Variants in HORMAD2 observed in about 807,000 individuals in gnomAD.
HORMAD2 encodes HORMA domain containing 2.
A neutral mutation model predicts 38.8 loss-of-function variants in HORMAD2; 45 were observed. The observed-to-expected ratio is 1.16, with a 90% CI of 0.91 to 1.49. HORMAD2 has a LOEUF of 1.49. Among genes scored for constraint, HORMAD2 ranks in the 40% most tolerant of loss-of-function variants. The pLI is 0.00. For missense variants in HORMAD2, 338 were observed against 367.0 expected, an observed-to-expected ratio of 0.92 and a Z score of 0.65; for synonymous variants, 126 against 122.8, an observed-to-expected ratio of 1.03 and a Z score of -0.17.
chr22:30,167,653 A>G (rs1221297068), intron 10 of HORMAD2, among the ~76,000 whole-genome samples: 1 of 152,196 alleles, frequency 6.6e-6, no homozygotes, highest in Non-Finnish European at 1.5e-5. Context: ...ATGAGGAAAA[A>G]TTGGTTACAA....
upstream of HORMAD2, among the ~76,000 whole-genome samples, chr22:30,078,525 G>A (rs964187950): frequency 6.9e-6 from 1 of 145,614 alleles, no homozygotes; most frequent in Admixed American, 7.1e-5. Context: ...AGAATCACTT[G>A]AGCCTGGGAG....
At chr22:30,108,929 C>T (rs1921416719) in intron 5 of HORMAD2, among the ~76,000 whole-genome samples, 3 of 143,722 alleles carry the variant, frequency 2.1e-5, no homozygotes, top group South Asian at 2.2e-4. Context: ...TCTTTCTCTC[C>T]CTCCCTCCTT....
chr22:30,119,802 A>G (rs890999652), intron 8 of HORMAD2, among the ~76,000 whole-genome samples: 4 of 151,930 alleles, frequency 2.6e-5, no homozygotes, highest in Non-Finnish European at 4.4e-5. Context: ...CTAATTTTCA[A>G]TTTTCCCTAC....
chr22:30,089,846 G>A (rs2088403309), intron 1 of HORMAD2, among the ~76,000 whole-genome samples: 1 of 152,034 alleles, frequency 6.6e-6, no homozygotes, highest in African/African-American at 2.4e-5. Context: ...TCTCATCATC[G>A]TGAACAGAAA....
chr22:30,105,790 T>C (rs1157008395), intron 5 of HORMAD2, among the ~76,000 whole-genome samples: 2 of 152,192 alleles, frequency 1.3e-5, no homozygotes, highest in African/African-American at 4.8e-5. Flanking sequence ...GAATGGTGAA[T>C]AGCTACTTTT....
At chr22:30,115,497 G>GA (rs1244329589) in intron 7 of HORMAD2, among the ~76,000 whole-genome samples, 30 of 151,872 alleles carry the variant, frequency 2.0e-4, no homozygotes, top group Admixed American at 1.6e-3. Flanking sequence ...CTTTATTTTA[G>GA]AAAAAAATCG....
chr22:30,179,495 C>T (rs924869684), downstream of HORMAD2, among the ~76,000 whole-genome samples: 8 of 152,198 alleles, frequency 5.3e-5, no homozygotes, highest in East Asian at 1.5e-3. Flanking sequence ...AAGAAAAAAG[C>T]TTTTATTAAT....
At chr22:30,130,523 G>A (rs533407380) in intron 10 of HORMAD2, among the ~76,000 whole-genome samples, 1 of 150,792 alleles carries the variant, frequency 6.6e-6, no homozygotes, top group Admixed American at 6.6e-5. Context: ...TGTCCTAATT[G>A]TGTCCTTATC....
At chr22:30,206,906 G>A in the HORMAD2 span, 1 of 355,342 alleles carries the variant, frequency 2.8e-6, no homozygotes, top group Non-Finnish European at 6.0e-6. Flanking sequence ...CACCTCAAGT[G>A]ACACCCGAGC....
chr22:30,106,335 T>G (rs1319458966), intron 5 of HORMAD2, among the ~76,000 whole-genome samples: 2 of 152,194 alleles, frequency 1.3e-5, no homozygotes, highest in Admixed American at 1.3e-4. Context: ...TTTATATCAA[T>G]TTGATATTTT....
At chr22:30,185,477 A>G in the HORMAD2 span, among the ~76,000 whole-genome samples, 1 of 152,238 alleles carries the variant, frequency 6.6e-6, no homozygotes, top group Non-Finnish European at 1.5e-5. Context: ...GATTATGGTG[A>G]TGATACAATG....
rs765596071 is a variant in HORMAD2, at chr22:30,098,985, A to G, written c.185A>G (p.His62Arg). The part of the protein sequence containing the change: ...LFPESSYGER[H>R]LDDLSLKILR... The stretch of plus-strand genomic sequence containing the variant: ...CCAGAGAGCTCTTATGGAGAACGCC[A>G]TTTGGATGGTAAAGTTAAACTAACT... Residue 62 changes from histidine to arginine, a missense_variant, in exon 3 of 11, where the codon CAT becomes CGT. Coordinates refer to ENST00000336726, the MANE Select transcript of HORMAD2 (RefSeq NM_152510.4). 2.5e-6 allele frequency: 4 copies of G among 1,607,614 alleles called. No individual in the cohort carries two copies. Among genetic ancestry groups the G allele is most frequent in the Non-Finnish European group, 3.4e-6 (4 of 1,177,206 alleles).
chr22:30,112,636 C>A (rs1921750212), intron 7 of HORMAD2, 114 bp downstream of exon 7: 1 of 453,022 alleles, frequency 2.2e-6, no homozygotes, highest in African/African-American at 2.1e-5. Context: ...AGCAGAGGAA[C>A]TAATAGTGGG....
chr22:30,172,342 G>T (rs1033754827), intron 10 of HORMAD2, among the ~76,000 whole-genome samples: 1 of 152,140 alleles, frequency 6.6e-6, no homozygotes, highest in African/African-American at 2.4e-5. Context: ...ACTGCTGAAT[G>T]AATTGCCGAA....
the HORMAD2 span, among the ~76,000 whole-genome samples, chr22:30,203,788 G>T: frequency 2.0e-5 from 3 of 152,268 alleles, no homozygotes; most frequent in East Asian, 5.8e-4. Context: ...ATAAGTGCAC[G>T]TGCATGCATC....
chr22:30,116,481 G>A lies in HORMAD2; in HGVS notation c.343-2499G>A, dbSNP rs149596301. On this transcript the variant is annotated intron_variant, in intron 7 of 10. Transcript: ENST00000336726. The stretch of plus-strand genomic sequence containing the variant: ...TTGCCAATGGGTTGGAATGTGGAGG[G>A]AGAAGGAGAGGCTGCATATGTTGCT... Among the ~76,000 whole-genome samples the A allele has an allele frequency of 4.6e-4, 70 of 152,272 alleles. 1 individual carries two copies. Among genetic ancestry groups the A allele is most frequent in the Middle Eastern group, 3.4e-3 (1 of 294 alleles).
At chr22:30,175,982 TTG>T in intron 10 of HORMAD2, 79 bp from the exon 11 acceptor site, 2 of 911,892 alleles carry the variant, frequency 2.2e-6, no homozygotes, top group Non-Finnish European at 3.5e-6. Context: ...GGATTAATGC[TTG>T]GTCTACCTGT....
chr22:30,137,122 T>C (rs1300869032), intron 10 of HORMAD2: 1 of 402,108 alleles, frequency 2.5e-6, no homozygotes, highest in Non-Finnish European at 4.7e-6. Context: ...TGCTATTTTT[T>C]AGCCATGGAA....
intron 3 of HORMAD2, among the ~76,000 whole-genome samples, chr22:30,101,565 A>G (rs1487553022): frequency 2.0e-5 from 3 of 151,884 alleles, no homozygotes; most frequent in Non-Finnish European, 4.4e-5. Flanking sequence ...CTTTCTGCAC[A>G]TGTATTCCAG....
Sources: gnomAD v4.1 joint callset for allele counts (sites outside exome capture counted in the v4.1 genomes callset) on GRCh38, gnomAD v4.1.1 for gene constraint, MANE v1.5 for transcripts, NCBI Gene and HGNC (gene_info 2026-07-23, HGNC 2026-07-21) for gene names.